GREM1: variants seen among roughly 807,000 people sequenced by gnomAD.
GREM1 encodes gremlin-1.
A neutral mutation model predicts 13.1 loss-of-function variants in GREM1; 6 were observed. The observed-to-expected ratio is 0.46, with a 90% CI of 0.25 to 0.91. The LOEUF is 0.91. GREM1 is among the 40% of genes least tolerant of loss of function. The pLI, the probability that GREM1 is intolerant of heterozygous loss-of-function variation, is 0.18. For synonymous variants in GREM1, 98 were observed against 93.7 expected, an observed-to-expected ratio of 1.05 and a Z score of -0.27; for missense variants, 185 against 233.9, an observed-to-expected ratio of 0.79 and a Z score of 1.36.
At chr15:32,727,650 G>T (rs1206222236) in intron 1 of GREM1, among the ~76,000 whole-genome samples, 1 of 150,744 alleles carries the variant, frequency 6.6e-6, no homozygotes, top group African/African-American at 2.4e-5. Flanking sequence ...GGGCAAGCAG[G>T]CAAGACAAAT....
chr15:32,718,160 A>G lies in GREM1; in HGVS notation c.-3A>G. Reference sequence around the variant, plus strand: ...GGCCCCGAGGACCCGCCGCACTGACAGGTGAGCGCGGACGCACCCGGCAGG... The same window carrying G: ...GGCCCCGAGGACCCGCCGCACTGACGGGTGAGCGCGGACGCACCCGGCAGG... On this transcript the variant is annotated splice_region_variant and 5_prime_UTR_variant, in exon 1 of 2. Transcript: ENST00000651154. The G allele has an allele frequency of 7.5e-7, 1 of 1,330,296 alleles. No homozygotes were observed. The highest frequency in any genetic ancestry group is 9.9e-7 in the Non-Finnish European group (1 of 1,012,288). The allele number at this position is 1,330,296 out of a possible 1,614,324, so 82.4% of individuals were successfully genotyped here.
rs989695199 is a variant in GREM1, at chr15:32,734,115, T to G, written c.*2870T>G. The G allele has an allele frequency of 4.1e-6, 1 of 242,734 alleles. No individual in the cohort carries two copies. The highest frequency in any genetic ancestry group is 8.7e-6 in the Non-Finnish European group (1 of 114,966). The allele number at this position is 242,734 out of a possible 1,614,324, so 15.0% of individuals were successfully genotyped here. A position where few individuals can be genotyped will look rare whatever the true frequency, so the allele number is the denominator to read the frequency against. On this transcript the variant is annotated 3_prime_UTR_variant, in exon 2 of 2. Coordinates refer to ENST00000651154, the MANE Select transcript of GREM1 (RefSeq NM_013372.7). The stretch of plus-strand genomic sequence containing the variant: ...GACACACCGTATGTTGTTAGAGTCT[T>G]TTATCTGGTCAGGGGAAACAAAATC...
intron 1 of GREM1, among the ~76,000 whole-genome samples, chr15:32,724,246 G>A (rs545860049): frequency 3.9e-5 from 6 of 152,276 alleles, no homozygotes; most frequent in South Asian, 4.1e-4. Flanking sequence ...TTATGGAATC[G>A]GCCTTATGAG....
At chr15:32,726,915 G>A (rs1296653438) in intron 1 of GREM1, among the ~76,000 whole-genome samples, 1 of 152,038 alleles carries the variant, frequency 6.6e-6, no homozygotes, top group Admixed American at 6.6e-5. Flanking sequence ...GGGAAGAAAT[G>A]GATACATTCC....
intron 1 of GREM1, chr15:32,718,563 C>T (rs1003776242): frequency 1.1e-5 from 5 of 436,450 alleles, no homozygotes; most frequent in East Asian, 1.4e-4. Flanking sequence ...CGGCCGCTGA[C>T]TGCGCGGCGA....
intron 1 of GREM1, chr15:32,718,656 TGGAGCATCC>T (rs2055345318): frequency 2.8e-6 from 1 of 361,914 alleles, no homozygotes. Flanking sequence ...GTCCGCGGGT[TGGAGCATCC>T]GGAGAATCCA....
chr15:32,744,259 C>T lies in GREM1; in HGVS notation c.*13014C>T, dbSNP rs2055786351. ...GCAACCAAAGTGCCCTAACCAGTAT[C>T]TACATCTGAGTCATTAAGAAAGTTT... On this transcript the variant is annotated 3_prime_UTR_variant, in exon 2 of 2. Transcript: ENST00000651154. 1 of 152,106 alleles carries T rather than the reference C, an allele frequency of 6.6e-6. No individual in the cohort carries two copies. The highest frequency in any genetic ancestry group is 2.4e-5 in the African/African-American group (1 of 41,420). The allele number at this position is 152,106 out of a possible 1,614,324, so 9.4% of individuals were successfully genotyped here.
intron 1 of GREM1, among the ~76,000 whole-genome samples, chr15:32,722,160 A>G (rs955659869): frequency 6.6e-6 from 1 of 152,242 alleles, no homozygotes; most frequent in South Asian, 2.1e-4. Context: ...CAACACAATT[A>G]TCTTCTTAAA....
intron 1 of GREM1, among the ~76,000 whole-genome samples, chr15:32,730,257 G>A (rs1382544850): frequency 6.6e-6 from 1 of 152,236 alleles, no homozygotes; most frequent in East Asian, 1.9e-4. Context: ...CCTCAGGCTA[G>A]TTGGGGAGAA....
rs945526115 is a variant in GREM1 at position 32,731,608 on chromosome 15, C to G, written c.*363C>G. 2 of 320,266 alleles carry G rather than the reference C, an allele frequency of 6.2e-6. No homozygotes were observed. The highest frequency in any genetic ancestry group is 4.2e-5 in the African/African-American group (2 of 47,200). The allele number at this position is 320,266 out of a possible 1,614,324, so 19.8% of individuals were successfully genotyped here. The stretch of plus-strand genomic sequence containing the variant: ...CCTCCTGGGGACCAGAATCTCCTTT[C>G]GGAATGAATGTTCATGGAAGAGGCT... On this transcript the variant is annotated 3_prime_UTR_variant, in exon 2 of 2. Transcript: ENST00000651154.
intron 1 of GREM1, among the ~76,000 whole-genome samples, chr15:32,726,379 C>T (rs1727476633): frequency 6.6e-6 from 1 of 152,110 alleles, no homozygotes; most frequent in Non-Finnish European, 1.5e-5. Context: ...ACTGAACAAC[C>T]TGCTCCTGAA....
Position 32,738,120 on chromosome 15 carries a change from A to AC in GREM1, c.*6875_*6876insC, listed in dbSNP as rs2055725292. ...AAAAAAAAAAAAAAAAAAAAAAAAA[A>AC]AAAAAAAAAAAAAGAAAAGAAAAAA... On this transcript the variant is annotated 3_prime_UTR_variant, in exon 2 of 2. Transcript: ENST00000651154. 9.9e-5 allele frequency: 6 copies of AC among 60,720 alleles called. 1 individual carries two copies. The highest frequency in any genetic ancestry group is 1.7e-4 in the Non-Finnish European group (5 of 30,188). 3.8% of individuals were successfully genotyped at this position (60,720 alleles called of 1,614,324 possible).
At chr15:32,724,634 T>C (rs929778033) in intron 1 of GREM1, among the ~76,000 whole-genome samples, 9 of 152,140 alleles carry the variant, frequency 5.9e-5, no homozygotes, top group African/African-American at 1.4e-4. Context: ...AGTGCTTTTT[T>C]TTTTTCTTTT....
chr15:32,729,027 TTTC>T (rs2055564687), intron 1 of GREM1, among the ~76,000 whole-genome samples: 2 of 151,668 alleles, frequency 1.3e-5, no homozygotes, highest in Non-Finnish European at 2.9e-5. Context: ...TCTTTCTTTC[TTTC>T]TTCTTTTTTT....
Position 32,742,971 on chromosome 15 carries a change from A to G in GREM1, c.*11726A>G, listed in dbSNP as rs1043291580. The G allele has an allele frequency of 2.6e-5, 4 of 152,270 alleles. No homozygotes were observed. Among genetic ancestry groups the G allele is most frequent in the Admixed American group, 6.5e-5 (1 of 15,286 alleles). 9.4% of individuals were successfully genotyped at this position (152,270 alleles called of 1,614,324 possible). On this transcript the variant is annotated 3_prime_UTR_variant, in exon 2 of 2. Transcript: ENST00000651154. ...TGCCCTTGGCAATGATTTCATGTACATAACAACAAAAGCACAGGTAATAAA... is the reference window on the plus strand; with the variant it reads ...TGCCCTTGGCAATGATTTCATGTACGTAACAACAAAAGCACAGGTAATAAA...
In GREM1 at chr15:32,718,490, G is replaced by A. The variant is rs549486071; in HGVS notation, c.-2+329G>A. On this transcript the variant is annotated intron_variant, in intron 1 of 1. Coordinates refer to ENST00000651154, the MANE Select transcript of GREM1 (RefSeq NM_013372.7). ...GGTGGCAGCAGCGCCTGGCAGACGCGCCCGCTTAGCGAGGGCGCGAAGTCC... is the reference window on the plus strand; with the variant it reads ...GGTGGCAGCAGCGCCTGGCAGACGCACCCGCTTAGCGAGGGCGCGAAGTCC... 2.2e-4 allele frequency: 102 copies of A among 463,044 alleles called. 1 individual carries two copies. Among genetic ancestry groups the A allele is most frequent in the African/African-American group, 2.0e-3 (100 of 50,366 alleles). 28.7% of individuals were successfully genotyped at this position (463,044 alleles called of 1,614,324 possible).
chr15:32,728,079 C>T (rs1483245352), intron 1 of GREM1, among the ~76,000 whole-genome samples: 2 of 152,090 alleles, frequency 1.3e-5, no homozygotes, highest in African/African-American at 4.8e-5. Flanking sequence ...TTTATAGATT[C>T]AATGCCATCC....
rs1435395263 is a variant in GREM1, at chr15:32,743,303, T to A, written c.*12058T>A. 1 of 152,216 alleles carries A rather than the reference T, an allele frequency of 6.6e-6. No homozygotes were observed. The highest frequency in any genetic ancestry group is 2.4e-5 in the African/African-American group (1 of 41,450). 9.4% of individuals were successfully genotyped at this position (152,216 alleles called of 1,614,324 possible). ...AGGCCAATATCTGCTGGCAGCCACC[T>A]TTCCCAGGTATATGGATGAAACTAT... On this transcript the variant is annotated 3_prime_UTR_variant, in exon 2 of 2. Coordinates refer to ENST00000651154, the MANE Select transcript of GREM1 (RefSeq NM_013372.7).
intron 1 of GREM1, among the ~76,000 whole-genome samples, chr15:32,723,182 C>T (rs1445840607): frequency 1.3e-5 from 2 of 152,220 alleles, no homozygotes; most frequent in African/African-American, 4.8e-5. Flanking sequence ...AAGAAATGTA[C>T]ATCTTCTGCA....
Sources: allele counts gnomAD v4.1 joint callset (sites outside exome capture counted in the v4.1 genomes callset), GRCh38; gene constraint gnomAD v4.1.1; transcripts MANE v1.5; gene names NCBI Gene and HGNC (gene_info 2026-07-23, HGNC 2026-07-21).